The following RBFOX3 variants were observed in gnomAD, a reference collection of about 807,000 sequenced individuals.
The protein encoded by RBFOX3 is RNA binding protein fox-1 homolog 3.
A neutral mutation model predicts 48.7 loss-of-function variants in RBFOX3; 17 were observed. The observed-to-expected ratio is 0.35, with a 90% confidence interval of 0.24 to 0.52. RBFOX3 has a LOEUF of 0.52. Ranked by LOEUF, RBFOX3 falls within the 20% of genes least tolerant of loss-of-function variation. The pLI, the probability that RBFOX3 is intolerant of heterozygous loss-of-function variation, is 0.94. For synonymous variants in RBFOX3, 212 were observed against 209.5 expected (o/e 1.01, Z -0.10); for missense variants, 382 against 497.5 (o/e 0.77, Z 2.21).
rs542146032 is a variant in RBFOX3, at chr17:79,180,200, G to A, written c.-34+55566C>T. On this transcript the variant is annotated intron_variant, in intron 4 of 14. Transcript: ENST00000693108. The stretch of plus-strand genomic sequence containing the variant: ...CTCTAATTAATCACAGAACTGTTGT[G>A]TCTCAGGAGGGACACACCCCATCCC... Among the ~76,000 whole-genome samples the A allele has an allele frequency of 3.3e-5, 5 of 152,288 alleles. No homozygotes were observed. In the South Asian group the frequency reaches 1.0e-3, roughly 32 times the overall value.
chr17:79,408,713 G>GAAT (rs1279643589), intron 2 of RBFOX3, among the ~76,000 whole-genome samples: 1 of 152,146 alleles, frequency 6.6e-6, no homozygotes, highest in African/African-American at 2.4e-5. Context: ...AATTGCATCT[G>GAAT]AATAATAATA....
At chr17:79,322,858 GC>G (rs1169773830) in intron 2 of RBFOX3, among the ~76,000 whole-genome samples, 12 of 152,218 alleles carry the variant, frequency 7.9e-5, no homozygotes, top group Non-Finnish European at 1.5e-4. Context: ...CCCAGAAGTT[GC>G]CTTCCCAGCT....
intron 4 of RBFOX3, among the ~76,000 whole-genome samples, chr17:79,186,476 C>T (rs573185198): frequency 6.6e-6 from 1 of 152,296 alleles, no homozygotes; most frequent in Admixed American, 6.5e-5. Context: ...TACCTGGCAC[C>T]AGGGCGGTAC....
chr17:79,559,220 C>A (rs1390306122), intron 1 of RBFOX3, among the ~76,000 whole-genome samples: 1 of 152,186 alleles, frequency 6.6e-6, no homozygotes, highest in African/African-American at 2.4e-5. Context: ...TAATACCTAG[C>A]ATGCATTAAG....
At chr17:79,634,869 G>A in the RBFOX3 span, among the ~76,000 whole-genome samples, 14 of 151,778 alleles carry the variant, frequency 9.2e-5, no homozygotes, top group African/African-American at 2.4e-5. Flanking sequence ...AGACCACCCT[G>A]GCCAACATGA....
At chr17:79,433,145 C>T (rs973259434) in intron 2 of RBFOX3, among the ~76,000 whole-genome samples, 1 of 152,188 alleles carries the variant, frequency 6.6e-6, no homozygotes, top group Non-Finnish European at 1.5e-5. Context: ...GTCACTCAGA[C>T]GCTCAGGGCC....
chr17:79,267,039 G>A (rs1232723501), intron 3 of RBFOX3, among the ~76,000 whole-genome samples: 1 of 152,304 alleles, frequency 6.6e-6, no homozygotes, highest in African/African-American at 2.4e-5. Context: ...GTCAGAAGGT[G>A]GGTCCTGAAA....
intron 2 of RBFOX3, among the ~76,000 whole-genome samples, chr17:79,453,504 G>T (rs2073934309): frequency 6.6e-6 from 1 of 152,200 alleles, no homozygotes; most frequent in African/African-American, 2.4e-5. Flanking sequence ...GGGAGGCAGG[G>T]ATGTCACCCA....
At chr17:79,401,939 G>T (rs74000037) in intron 2 of RBFOX3, among the ~76,000 whole-genome samples, 1 of 152,252 alleles carries the variant, frequency 6.6e-6, no homozygotes, top group Non-Finnish European at 1.5e-5. Context: ...GTGGTCATCC[G>T]TTCTGGTGAC....
intron 3 of RBFOX3, among the ~76,000 whole-genome samples, chr17:79,236,258 G>C (rs9911225): frequency 0.27 from 40,920 of 151,934 alleles, 5,711 homozygotes; most frequent in Middle Eastern, 0.39. Context: ...TAGGGCGGGG[G>C]TCACTTTGAG....
chr17:79,240,420 A>T (rs1692534391), intron 3 of RBFOX3, among the ~76,000 whole-genome samples: 1 of 152,216 alleles, frequency 6.6e-6, no homozygotes, highest in Admixed American at 6.5e-5. Flanking sequence ...AAGGTCTAGA[A>T]AGGCACAGAG....
chr17:79,606,535 C>T (rs1318773476), intron 1 of RBFOX3, among the ~76,000 whole-genome samples: 4 of 152,194 alleles, frequency 2.6e-5, no homozygotes, highest in Non-Finnish European at 5.9e-5. Context: ...AGACTTTATA[C>T]TCTTTATTAT....
At chr17:79,427,481 G>A (rs890094423) in intron 2 of RBFOX3, among the ~76,000 whole-genome samples, 10 of 152,254 alleles carry the variant, frequency 6.6e-5, no homozygotes, top group African/African-American at 2.2e-4. Flanking sequence ...AACCAGGGGA[G>A]CTGTGAGGCC....
intron 1 of RBFOX3, among the ~76,000 whole-genome samples, chr17:79,544,127 G>A (rs2090083803): frequency 6.6e-6 from 1 of 152,214 alleles, no homozygotes; most frequent in Admixed American, 6.5e-5. Flanking sequence ...TATGAGTCAG[G>A]CACTTCTGTG....
intron 4 of RBFOX3, among the ~76,000 whole-genome samples, chr17:79,117,073 C>T (rs893946168): frequency 1.4e-4 from 21 of 152,184 alleles, no homozygotes; most frequent in African/African-American, 2.9e-4. Flanking sequence ...CAGGCGGAGG[C>T]GGCAGAGGGA....
chr17:79,255,672 G>A (rs781415762), intron 3 of RBFOX3, among the ~76,000 whole-genome samples: 4 of 151,988 alleles, frequency 2.6e-5, no homozygotes, highest in Non-Finnish European at 4.4e-5. Flanking sequence ...CAGGGTGGCC[G>A]GTGCTCAGCA....
At position 79,409,561 on chromosome 17, in the gene RBFOX3, G is replaced by A. The variant is rs552193253; in HGVS notation, c.-175+72893C>T. 3.3e-5 allele frequency among the ~76,000 whole-genome samples: 5 copies of A among 152,360 alleles called. No homozygotes were observed. In the South Asian group the frequency reaches 6.2e-4, roughly 19 times the overall value. The stretch of plus-strand genomic sequence containing the variant: ...TATGAAGTGGCTGCCTATTACTTGT[G>A]TAGATATATGGCCTTCTGAAGTCCA... On this transcript the variant is annotated intron_variant, in intron 2 of 14. Transcript: ENST00000693108.
chr17:79,594,894 T>C (rs929776531), intron 1 of RBFOX3, among the ~76,000 whole-genome samples: 1 of 152,094 alleles, frequency 6.6e-6, no homozygotes, highest in African/African-American at 2.4e-5. Flanking sequence ...ACTGGGAATT[T>C]CTGAGTTTTC....
chr17:79,651,801 CTCTG>C, the RBFOX3 span, among the ~76,000 whole-genome samples: 1 of 145,512 alleles, frequency 6.9e-6, no homozygotes, highest in Non-Finnish European at 1.5e-5. Flanking sequence ...CCCTCTCCTT[CTCTG>C]TCTTTCTCTC....
Sources: gnomAD v4.1 joint callset for allele counts (sites outside exome capture counted in the v4.1 genomes callset) on GRCh38, gnomAD v4.1.1 for gene constraint, MANE v1.5 for transcripts, NCBI Gene and HGNC (gene_info 2026-07-23, HGNC 2026-07-21) for gene names.